Variants in MCTP2 observed in about 807,000 individuals in gnomAD.
MCTP2 encodes multiple C2 and transmembrane domain-containing protein 2.
Under a neutral mutation model 111.6 loss-of-function variants are expected in MCTP2, and 132 were observed. The ratio of observed to expected loss-of-function variants is 1.18; its 90% CI spans 1.03 to 1.37. The LOEUF is 1.37. Ranked by LOEUF, MCTP2 falls within the 40% of genes most tolerant of loss-of-function variation. The pLI is 0.00. For missense variants in MCTP2, 1,183 were observed against 1,067.9 expected, an observed-to-expected ratio of 1.11 and a Z score of -1.50; for synonymous variants, 395 against 387.7, an observed-to-expected ratio of 1.02 and a Z score of -0.22.
At chr15:94,426,606 TATA>T (rs979238426) in intron 17 of MCTP2, among the ~76,000 whole-genome samples, 15 of 152,156 alleles carry the variant, frequency 9.9e-5, no homozygotes, top group Non-Finnish European at 1.3e-4. Context: ...ACATATGGAT[TATA>T]ATTATTTTAA....
chr15:94,395,736 A>C (rs1313778375), intron 14 of MCTP2, among the ~76,000 whole-genome samples: 1 of 152,204 alleles, frequency 6.6e-6, no homozygotes, highest in Non-Finnish European at 1.5e-5. Context: ...TTATATAGAA[A>C]AAAGTTAAAT....
At chr15:94,325,461 C>T (rs1175123301) in intron 4 of MCTP2, among the ~76,000 whole-genome samples, 2 of 152,112 alleles carry the variant, frequency 1.3e-5, no homozygotes, top group Non-Finnish European at 2.9e-5. Context: ...GGCTTATCTT[C>T]CCAGTTTCCT....
At chr15:94,245,378 GTATATGTATTTATATACATGTGTGTATA>G (rs2071808689) in intron 1 of MCTP2, among the ~76,000 whole-genome samples, 10 of 122,194 alleles carry the variant, frequency 8.2e-5, no homozygotes, top group African/African-American at 1.2e-4. Flanking sequence ...ACATACATAT[GTATATGTATTTATATACATGTGTGTATA>G]TATTTATATA....
At position 94,478,971 on chromosome 15, in the gene MCTP2, G is replaced by A. The variant is rs960062283; in HGVS notation, c.2574G>A (p.Gln858=). ...SRVPSDVQKV[Q]YAELKLCSSH... ...ACGGCTATTTGTTTTCACAGGTGCA[G>A]TATGCAGAATTGAAACTCTGCAGCA... The change falls in exon 23 of 23, where the codon CAG becomes CAA. Residue 858 remains glutamine, a synonymous_variant. Coordinates refer to ENST00000357742, the MANE Select transcript of MCTP2 (RefSeq NM_001385001.1). 6 of 1,613,848 alleles carry A rather than the reference G, an allele frequency of 3.7e-6. No individual in the cohort carries two copies. The Admixed American group carries it at 6.7e-5, about 18-fold the overall frequency.
intron 12 of MCTP2, among the ~76,000 whole-genome samples, chr15:94,382,869 G>A (rs980250434): frequency 7.2e-5 from 11 of 152,248 alleles, no homozygotes; most frequent in African/African-American, 2.7e-4. Flanking sequence ...GGAGCCATTC[G>A]TTCTTTCCCT....
chr15:94,403,307 C>T (rs2152477719), intron 17 of MCTP2: 1 of 939,206 alleles, frequency 1.1e-6, no homozygotes, highest in African/African-American at 1.8e-5. Flanking sequence ...TTCCCTTTCT[C>T]ACGTTCTCCT....
chr15:94,479,124 CCTT>C lies in MCTP2; in HGVS notation c.*93_*95del. On this transcript the variant is annotated 3_prime_UTR_variant, in exon 23 of 23. Coordinates refer to ENST00000357742, the MANE Select transcript of MCTP2 (RefSeq NM_001385001.1). ...GCTGTTTCAGTGGTACCCAAGGTGT[CCTT>C]CTGAAATGCATGCCCTGTGGCACCC... is the stretch of plus-strand genomic sequence containing the variant. 1 of 1,310,938 alleles carries C rather than the reference CCTT, an allele frequency of 7.6e-7. No individual in the cohort carries two copies. 81.2% of individuals were successfully genotyped at this position (1,310,938 alleles called of 1,614,324 possible).
rs1386347374 is a variant in MCTP2 at position 94,479,022 on chromosome 15, C to T, written c.2625C>T (p.Arg875=). 1 of 1,614,076 alleles carries T rather than the reference C, an allele frequency of 6.2e-7. No individual in the cohort carries two copies. ...CSSHSPLRKK[R]SAL ...GCCACAGCCCCCTGCGGAAGAAGCG[C>T]AGCGCTCTCTAGGGCACACACCGAC... The change falls in exon 23 of 23, where the codon CGC becomes CGT. Residue 875 remains arginine, a synonymous_variant. Transcript: ENST00000357742.
intron 2 of MCTP2, among the ~76,000 whole-genome samples, chr15:94,308,339 C>T (rs971348656): frequency 2.6e-5 from 4 of 152,128 alleles, no homozygotes; most frequent in East Asian, 1.9e-4. Flanking sequence ...CCTGGTCAGG[C>T]GAGGTGTGCT....
chr15:94,461,457 C>G (rs1399757429), intron 20 of MCTP2, among the ~76,000 whole-genome samples: 1 of 152,088 alleles, frequency 6.6e-6, no homozygotes, highest in Admixed American at 6.5e-5. Flanking sequence ...GAGACTCCAG[C>G]TCAAAAAAGC....
rs2074692861 is a variant in MCTP2 at position 94,480,897 on chromosome 15, A to G, written c.*1863A>G. The stretch of plus-strand genomic sequence containing the variant: ...CCTCTGTAGCCCGATTGAAATTCTC[A>G]GTGTTAAGTTTAGGACCCAAACACC... On this transcript the variant is annotated 3_prime_UTR_variant, in exon 23 of 23. Coordinates refer to ENST00000357742, the MANE Select transcript of MCTP2 (RefSeq NM_001385001.1). 6.6e-6 allele frequency: 1 copy of G among 152,250 alleles called. No individual in the cohort carries two copies. Among genetic ancestry groups the G allele is most frequent in the South Asian group, 2.1e-4 (1 of 4,834 alleles). 9.4% of individuals were successfully genotyped at this position (152,250 alleles called of 1,614,324 possible). A position where few individuals can be genotyped will look rare whatever the true frequency, so the allele number is the denominator to read the frequency against.
At position 94,482,927 on chromosome 15, in the gene MCTP2, G is replaced by T. The variant is rs1187044164; in HGVS notation, c.*3893G>T. 1 of 152,156 alleles carries T rather than the reference G, an allele frequency of 6.6e-6. No individual in the cohort carries two copies. Among genetic ancestry groups the T allele is most frequent in the African/African-American group, 2.4e-5 (1 of 41,438 alleles). 9.4% of individuals were successfully genotyped at this position (152,156 alleles called of 1,614,324 possible). The stretch of plus-strand genomic sequence containing the variant: ...TACAGAATCATGACCTTAATGGTTT[G>T]ACAGTTTGGAAGCACCCTGGCAACA... On this transcript the variant is annotated 3_prime_UTR_variant, in exon 23 of 23. Transcript: ENST00000357742.
At chr15:94,365,885 G>T (rs1441600324) in intron 10 of MCTP2, among the ~76,000 whole-genome samples, 2 of 152,114 alleles carry the variant, frequency 1.3e-5, no homozygotes, top group East Asian at 3.9e-4. Flanking sequence ...GATTAGCAGA[G>T]AAAACTTCTA....
intron 20 of MCTP2, among the ~76,000 whole-genome samples, chr15:94,462,155 G>C (rs1468155553): frequency 6.6e-6 from 1 of 152,180 alleles, no homozygotes; most frequent in Non-Finnish European, 1.5e-5. Context: ...CAGTGCAGTG[G>C]GGCAGCCAGT....
chr15:94,344,934 C>A (rs1230834032), intron 7 of MCTP2, among the ~76,000 whole-genome samples, 195 bp from the exon 8 acceptor site: 1 of 152,150 alleles, frequency 6.6e-6, no homozygotes, highest in African/African-American at 2.4e-5. Context: ...TGTAACACAA[C>A]CACATACATG....
At position 94,482,078 on chromosome 15, in the gene MCTP2, TTTTTC is replaced by T. The variant is rs1208740080; in HGVS notation, c.*3048_*3052del. 6.6e-6 allele frequency: 1 copy of T among 152,238 alleles called. No individual in the cohort carries two copies. Among genetic ancestry groups the T allele is most frequent in the Non-Finnish European group, 1.5e-5 (1 of 68,048 alleles). 9.4% of individuals were successfully genotyped at this position (152,238 alleles called of 1,614,324 possible). A position where few individuals can be genotyped will look rare whatever the true frequency, so the allele number is the denominator to read the frequency against. On this transcript the variant is annotated 3_prime_UTR_variant, in exon 23 of 23. Coordinates refer to ENST00000357742, the MANE Select transcript of MCTP2 (RefSeq NM_001385001.1). ...GTGGTAAAACAATCTTCTGGATTCTTTTTTCTTTACTTGTAAATTATCATTTAACA... is the reference window on the plus strand; with the variant it reads ...GTGGTAAAACAATCTTCTGGATTCTTTTTACTTGTAAATTATCATTTAACA...
intron 17 of MCTP2, among the ~76,000 whole-genome samples, chr15:94,430,149 C>T (rs1342854537): frequency 2.0e-5 from 3 of 152,140 alleles, no homozygotes; most frequent in South Asian, 4.1e-4. Flanking sequence ...TCTCATTATG[C>T]AACCACAGTA....
intron 20 of MCTP2, among the ~76,000 whole-genome samples, chr15:94,462,168 G>C (rs1490723209): frequency 6.6e-6 from 1 of 152,176 alleles, no homozygotes; most frequent in African/African-American, 2.4e-5. Flanking sequence ...CAGCCAGTTG[G>C]GGGAGGACCC....
At chr15:94,461,802 C>A (rs1417687556) in intron 20 of MCTP2, among the ~76,000 whole-genome samples, 1 of 151,998 alleles carries the variant, frequency 6.6e-6, no homozygotes, top group Non-Finnish European at 1.5e-5. Flanking sequence ...GGGCTGGAAT[C>A]CAGGTTTGAT....
Sources: allele counts gnomAD v4.1 joint callset (sites outside exome capture counted in the v4.1 genomes callset), GRCh38; gene constraint gnomAD v4.1.1; transcripts MANE v1.5; gene names NCBI Gene and HGNC (gene_info 2026-07-23, HGNC 2026-07-21).